The following KCTD1 variants were observed in gnomAD, a reference collection of about 807,000 sequenced individuals.
KCTD1 encodes potassium channel tetramerization domain containing 1, also known as BTB/POZ domain-containing protein KCTD1.
Under a neutral mutation model 66.0 loss-of-function variants are expected in KCTD1, and 24 were observed. The observed-to-expected ratio is 0.36, with a 90% CI of 0.26 to 0.51. KCTD1 has a LOEUF of 0.51. KCTD1 is among the 20% of genes least tolerant of loss of function. KCTD1 has a pLI of 0.95. For synonymous variants in KCTD1, 511 were observed against 517.2 expected (o/e 0.99, Z 0.16); for missense variants, 943 against 1,205.2 (o/e 0.78, Z 3.22).
chr18:26,572,011 CTT>C (rs1486558817), intron 1 of KCTD1, among the ~76,000 whole-genome samples: 3 of 151,074 alleles, frequency 2.0e-5, no homozygotes, highest in African/African-American at 7.3e-5. Context: ...AAAAATTAAA[CTT>C]CATGCTAGTG....
At chr18:26,517,785 T>A (rs1014555751) in intron 1 of KCTD1, among the ~76,000 whole-genome samples, 5 of 152,132 alleles carry the variant, frequency 3.3e-5, no homozygotes, top group Non-Finnish European at 5.9e-5. Context: ...TACGTGGAAC[T>A]GTAAGTCCAA....
intron 1 of KCTD1, among the ~76,000 whole-genome samples, chr18:26,568,310 A>G (rs1315152692): frequency 6.6e-6 from 1 of 152,092 alleles, no homozygotes; most frequent in East Asian, 1.9e-4. Context: ...CTCCTAGCTC[A>G]CTGCAGCCTC....
chr18:26,549,752 G>C (rs968382289), upstream of KCTD1: 39 of 985,434 alleles, frequency 4.0e-5, no homozygotes, highest in African/African-American at 6.8e-4. Flanking sequence ...ACCGCCATTC[G>C]TTCGCCCTCC....
intron 4 of KCTD1, chr18:26,458,521 A>C (rs1431849113): frequency 6.6e-6 from 1 of 152,208 alleles, no homozygotes; most frequent in African/African-American, 2.4e-5. Context: ...CCTTCCCATC[A>C]GCAAGACAGA....
chr18:26,501,012 GA>G, intron 2 of KCTD1, 59 bp downstream of exon 2: 1 of 1,573,784 alleles, frequency 6.4e-7, no homozygotes, highest in Non-Finnish European at 8.6e-7. Flanking sequence ...CTGGTCAAAG[GA>G]AAAACAGGTT....
chr18:26,540,342 G>C (rs529371167), intron 1 of KCTD1, among the ~76,000 whole-genome samples: 1 of 152,130 alleles, frequency 6.6e-6, no homozygotes, highest in Non-Finnish European at 1.5e-5. Flanking sequence ...CAGCCTCTTC[G>C]GGCAGCACGT....
upstream of KCTD1, chr18:26,657,418 C>G (rs995866573): frequency 1.0e-6 from 1 of 985,082 alleles, no homozygotes. Flanking sequence ...CCTCTCCCCC[C>G]TTTTCCGATT....
intron 1 of KCTD1, among the ~76,000 whole-genome samples, chr18:26,647,526 A>AAAAAAAAAG: frequency 4.5e-5 from 1 of 22,274 alleles, no homozygotes; most frequent in Admixed American, 3.5e-4. Flanking sequence ...TCTCAAAAAA[A>AAAAAAAAAG]AAAAAAAAAA....
At chr18:26,509,158 TA>T (rs71376964) in intron 1 of KCTD1, among the ~76,000 whole-genome samples, 123 of 128,328 alleles carry the variant, frequency 9.6e-4, no homozygotes, top group Non-Finnish European at 1.0e-3. Flanking sequence ...TTCACTTAAG[TA>T]AAAAAAAAAA....
chr18:26,581,600 C>T (rs1361506128), intron 1 of KCTD1: 1 of 152,036 alleles, frequency 6.6e-6, no homozygotes, highest in African/African-American at 2.4e-5. Context: ...CATTGTGTCC[C>T]CTGGTATACT....
In KCTD1 at chr18:26,547,688, G is replaced by A; in HGVS notation, c.849C>T (p.Ala283=). The A allele has an allele frequency of 6.4e-7, 1 of 1,551,020 alleles. No homozygotes were observed. Among genetic ancestry groups the A allele is most frequent in the South Asian group, 1.2e-5 (1 of 84,060 alleles). Residue 283 remains alanine, a synonymous_variant, in exon 1 of 5, where the codon GCC becomes GCT. Coordinates refer to ENST00000580059, the MANE Select transcript of KCTD1 (RefSeq NM_001142730.3). ...GCTTGCGCAGGTCGGCGCGCGTGAT[G>A]GCTTGCTTCTGCACCACCGGCCCGG... The part of the protein sequence containing the change: ...QGAGPVVQKQ[A]ITRADLRKLY...
rs1323383242 is a variant in KCTD1 at position 26,548,372 on chromosome 18, C to A, written c.165G>T (p.Glu55Asp). 3 of 1,479,260 alleles carry A rather than the reference C, an allele frequency of 2.0e-6. No homozygotes were observed. The highest frequency in any genetic ancestry group is 1.4e-5 in the African/African-American group (1 of 70,302). 91.6% of individuals were successfully genotyped at this position (1,479,260 alleles called of 1,614,324 possible). ...CCTCCTCCTCCTCTTCCTCCTCCTC[C>A]TCGCCCGCGCTGCAGTAGTGCGGAC... is the stretch of plus-strand genomic sequence containing the variant. ...HSRPHYCSAGEEEEEEEEEDE... is the reference protein window; with the variant it reads ...HSRPHYCSAGDEEEEEEEEDE... Residue 55 changes from glutamate to aspartate, a missense_variant, in exon 1 of 5, where the codon GAG (glutamate) becomes GAT (aspartate). Coordinates refer to ENST00000580059, the MANE Select transcript of KCTD1 (RefSeq NM_001142730.3).
chr18:26,622,488 C>G (rs184873468), intron 1 of KCTD1, among the ~76,000 whole-genome samples: 2 of 152,276 alleles, frequency 1.3e-5, no homozygotes, highest in East Asian at 3.9e-4. Context: ...CACCTACACC[C>G]AACCCTGGAG....
intron 1 of KCTD1, among the ~76,000 whole-genome samples, chr18:26,509,473 C>T (rs1458408628): frequency 6.6e-6 from 1 of 151,934 alleles, no homozygotes; most frequent in Non-Finnish European, 1.5e-5. Context: ...CTATACAATG[C>T]TCAAATCAGA....
upstream of KCTD1, among the ~76,000 whole-genome samples, chr18:26,634,093 T>G (rs1220479507): frequency 1.3e-5 from 2 of 152,180 alleles, no homozygotes; most frequent in East Asian, 3.8e-4. Context: ...TCCATTTATA[T>G]CAAATTCTGG....
In KCTD1 at chr18:26,567,512, C is replaced by T. The variant is rs1451457658; in HGVS notation, c.-16+61635G>A. 1.2e-4 allele frequency among the ~76,000 whole-genome samples: 17 copies of T among 139,834 alleles called. 1 individual carries two copies. The Admixed American group carries it at 1.3e-3, about 10-fold the overall frequency. The allele number at this position is 139,834 out of a possible 152,430, so 91.7% of individuals were successfully genotyped here. On this transcript the variant is annotated intron_variant, in intron 1 of 4. Transcript: ENST00000317932. Reference sequence around the variant, plus strand: ...TGTTTTTTTTTTTTTTTTTGAGACACAGTCTTACTCTGTTGCCCAGGCTAG... The same window carrying T: ...TGTTTTTTTTTTTTTTTTTGAGACATAGTCTTACTCTGTTGCCCAGGCTAG...
intron 1 of KCTD1, among the ~76,000 whole-genome samples, chr18:26,637,502 C>T (rs1987748755): frequency 6.6e-6 from 1 of 152,194 alleles, no homozygotes; most frequent in African/African-American, 2.4e-5. Flanking sequence ...GGGGTCAGCC[C>T]ACCTAGTGTG....
At chr18:26,491,772 G>A (rs1254801899) in intron 2 of KCTD1, among the ~76,000 whole-genome samples, 1 of 152,222 alleles carries the variant, frequency 6.6e-6, no homozygotes, top group African/African-American at 2.4e-5. Flanking sequence ...AGGGAATAAG[G>A]TGAAGGCTGC....
At chr18:26,477,489 T>C (rs1208015987) in intron 2 of KCTD1, among the ~76,000 whole-genome samples, 1 of 152,238 alleles carries the variant, frequency 6.6e-6, no homozygotes, top group Non-Finnish European at 1.5e-5. Context: ...GGTGGTCATA[T>C]CTATACTGTG....
Sources: allele counts gnomAD v4.1 joint callset (sites outside exome capture counted in the v4.1 genomes callset), GRCh38; gene constraint gnomAD v4.1.1; transcripts MANE v1.5; gene names NCBI Gene and HGNC (gene_info 2026-07-23, HGNC 2026-07-21).